Variants in ADAMTS20 observed in about 807,000 individuals in gnomAD.
The protein encoded by ADAMTS20 is A disintegrin and metalloproteinase with thrombospondin motifs 20.
A neutral mutation model predicts 260.1 loss-of-function variants in ADAMTS20; 225 were observed. That is an observed-to-expected ratio of 0.87 (90% CI 0.78 to 0.97). The LOEUF (loss-of-function observed/expected upper bound fraction) is 0.97. Among genes scored for constraint, ADAMTS20 ranks in the 50% least tolerant of loss-of-function variants. The pLI is 0.00. For missense variants in ADAMTS20, 2,400 were observed against 2,337.7 expected, an observed-to-expected ratio of 1.03 and a Z score of -0.55; for synonymous variants, 802 against 769.5, an observed-to-expected ratio of 1.04 and a Z score of -0.70.
At chr12:43,460,988 A>ATATATATATATATATATTT in intron 11 of ADAMTS20, among the ~76,000 whole-genome samples, 4 of 26,394 alleles carry the variant, frequency 1.5e-4, no homozygotes, top group Non-Finnish European at 2.7e-4. Flanking sequence ...ATATATATAT[A>ATATATATATATATATATTT]TTTTTTTTTT....
At chr12:43,531,960 T>C in intron 3 of ADAMTS20, 76 bp downstream of exon 3, 1 of 931,068 alleles carries the variant, frequency 1.1e-6, no homozygotes. Context: ...AAGGGAAATA[T>C]ATAAATTATA....
intron 7 of ADAMTS20, among the ~76,000 whole-genome samples, chr12:43,469,129 T>A (rs371339768): frequency 7.2e-4 from 109 of 152,234 alleles, no homozygotes; most frequent in African/African-American, 2.6e-3. Flanking sequence ...TGAAGTTTCT[T>A]TACTTTTTTA....
At chr12:43,530,107 A>T (rs1294178794) in intron 3 of ADAMTS20, among the ~76,000 whole-genome samples, 2 of 152,154 alleles carry the variant, frequency 1.3e-5, no homozygotes, top group Non-Finnish European at 2.9e-5. Context: ...AGAAAATGAA[A>T]TTACGTAGCT....
chr12:43,412,957 C>T (rs377082528), intron 28 of ADAMTS20, among the ~76,000 whole-genome samples: 13 of 151,566 alleles, frequency 8.6e-5, no homozygotes, highest in Admixed American at 2.6e-4. Flanking sequence ...ACTACAGGCA[C>T]GCACCACTAC....
chr12:43,448,742 G>A (rs1941808004), intron 14 of ADAMTS20, among the ~76,000 whole-genome samples: 1 of 151,790 alleles, frequency 6.6e-6, no homozygotes, highest in Non-Finnish European at 1.5e-5. Flanking sequence ...CTATACATCT[G>A]ACAAAGGTCT....
intron 11 of ADAMTS20, among the ~76,000 whole-genome samples, chr12:43,458,515 T>A (rs1942005420): frequency 6.6e-6 from 1 of 152,258 alleles, no homozygotes; most frequent in Non-Finnish European, 1.5e-5. Flanking sequence ...GGAGCTCAGC[T>A]GTTCCCTTTG....
chr12:43,408,647 A>G (rs1383708118), intron 28 of ADAMTS20, among the ~76,000 whole-genome samples: 1 of 152,134 alleles, frequency 6.6e-6, no homozygotes. Context: ...GACCATACCC[A>G]CTGCACATAT....
chr12:43,551,579 G>A lies in ADAMTS20; in HGVS notation c.91+252C>T, dbSNP rs945566860. Among the ~76,000 whole-genome samples the A allele has an allele frequency of 6.6e-6, 1 of 152,112 alleles. No individual in the cohort carries two copies. Among genetic ancestry groups the A allele is most frequent in the South Asian group, 2.1e-4 (1 of 4,824 alleles). ...CCGCAGCCCCCAACTCGTTCCCTCC[G>A]GGTGCAAGCGACCCCCTGCCCCTTG... On this transcript the variant is annotated intron_variant, in intron 1 of 38. Coordinates refer to ENST00000389420, the MANE Select transcript of ADAMTS20 (RefSeq NM_025003.5). The surrounding 1 kb of genome is among the most constrained non-coding windows in gnomAD (Gnocchi z 4.6).
chr12:43,402,698 T>G (rs1261505369), intron 28 of ADAMTS20, among the ~76,000 whole-genome samples: 1 of 152,086 alleles, frequency 6.6e-6, no homozygotes, highest in African/African-American at 2.4e-5. Flanking sequence ...TTTTTTCTTC[T>G]GGTATCCCAG....
chr12:43,468,956 T>C (rs1313685257), intron 7 of ADAMTS20, among the ~76,000 whole-genome samples: 2 of 152,124 alleles, frequency 1.3e-5, no homozygotes, highest in African/African-American at 4.8e-5. Flanking sequence ...AGCAAACAAC[T>C]TTTTAAATAT....
intron 7 of ADAMTS20, among the ~76,000 whole-genome samples, chr12:43,482,341 A>G (rs1758017571): frequency 6.6e-6 from 1 of 152,182 alleles, no homozygotes; most frequent in Admixed American, 6.5e-5. Flanking sequence ...GCAGACAGGA[A>G]AGGGTGTGGC....
At chr12:43,540,581 G>T (rs1325671080) in intron 2 of ADAMTS20, among the ~76,000 whole-genome samples, 2 of 151,814 alleles carry the variant, frequency 1.3e-5, no homozygotes, top group Admixed American at 1.3e-4. Flanking sequence ...AGGCTCCTAA[G>T]GAAGCACTTT....
intron 7 of ADAMTS20, among the ~76,000 whole-genome samples, chr12:43,481,926 C>T (rs187698127): frequency 8.5e-5 from 13 of 152,214 alleles, no homozygotes; most frequent in Non-Finnish European, 1.3e-4. Context: ...ATGAACCAGA[C>T]GGAAAATGGA....
In ADAMTS20 at chr12:43,448,696, T is replaced by C. The variant is rs181051092; in HGVS notation, c.2080-1984A>G. Among the ~76,000 whole-genome samples, 42 of 151,886 alleles carry C rather than the reference T, an allele frequency of 2.8e-4. No individual in the cohort carries two copies. The East Asian group carries it at 7.7e-3, about 28-fold the overall frequency. The stretch of plus-strand genomic sequence containing the variant: ...CAAAAGAAATTATCAACAGAGTAAA[T>C]AGACAATCTACAGAATGGGGGAAAA... On this transcript the variant is annotated intron_variant, in intron 14 of 38. Coordinates refer to ENST00000389420, the MANE Select transcript of ADAMTS20 (RefSeq NM_025003.5).
At chr12:43,392,473 C>T (rs1423756228) in intron 29 of ADAMTS20, among the ~76,000 whole-genome samples, 1 of 151,866 alleles carries the variant, frequency 6.6e-6, no homozygotes, top group African/African-American at 2.4e-5. Flanking sequence ...ACTATATTTT[C>T]GATATGAACC....
chr12:43,551,305 C>T lies in ADAMTS20; in HGVS notation c.92-35G>A. ...CAGCGACAGGACCAGTGAGCTCCCA[C>T]GCGTTCCTCATTGTCCAACTCTAAA... On this transcript the variant is annotated intron_variant, in intron 1 of 38. Coordinates refer to ENST00000389420, the MANE Select transcript of ADAMTS20 (RefSeq NM_025003.5). This position sits in a 1 kb window ranked among gnomAD's most constrained non-coding sequence, Gnocchi z 4.6. 2 of 1,589,142 alleles carry T rather than the reference C, an allele frequency of 1.3e-6. No homozygotes were observed. The highest frequency in any genetic ancestry group is 1.3e-5 in the African/African-American group (1 of 74,594).
intron 14 of ADAMTS20, among the ~76,000 whole-genome samples, chr12:43,449,001 A>G (rs2220865): frequency 0.32 from 48,762 of 151,880 alleles, 8,475 homozygotes; most frequent in East Asian, 0.75. Flanking sequence ...TGCTGGAAAG[A>G]TTGCAGAAAA....
intron 7 of ADAMTS20, among the ~76,000 whole-genome samples, chr12:43,488,992 G>A (rs1347367325): frequency 6.6e-6 from 1 of 151,924 alleles, no homozygotes; most frequent in African/African-American, 2.4e-5. Flanking sequence ...TTCAGTTATT[G>A]TACGTGCAAT....
At chr12:43,431,299 A>G in intron 22 of ADAMTS20, 33 bp downstream of exon 22, 2 of 1,602,106 alleles carry the variant, frequency 1.2e-6, no homozygotes, top group Non-Finnish European at 1.7e-6. Context: ...GTAAAGATAG[A>G]TCAAATTAGA....
Sources: gnomAD v4.1 joint callset for allele counts (sites outside exome capture counted in the v4.1 genomes callset) on GRCh38, gnomAD v4.1.1 for gene constraint, Gnocchi (gnomAD v3.1) non-coding constraint, MANE v1.5 for transcripts, NCBI Gene and HGNC (gene_info 2026-07-23, HGNC 2026-07-21) for gene names.